Variants in KHDRBS2 observed in about 807,000 individuals in gnomAD.
KHDRBS2 encodes the protein KH RNA binding domain containing, signal transduction associated 2, also known as KH domain-containing, RNA-binding, signal transduction-associated protein 2.
A neutral mutation model predicts 44.3 loss-of-function variants in KHDRBS2; 26 were observed. That is an observed-to-expected ratio of 0.59 (90% CI 0.43 to 0.81). The LOEUF (loss-of-function observed/expected upper bound fraction) is 0.81. KHDRBS2 is among the 40% of genes least tolerant of loss of function. The pLI is 0.00. For synonymous variants in KHDRBS2, 194 were observed against 151.1 expected (o/e 1.28, Z -2.08); for missense variants, 476 against 433.1 (o/e 1.10, Z -0.88).
intron 3 of KHDRBS2, among the ~76,000 whole-genome samples, chr6:62,005,589 A>C (rs1779065740): frequency 6.6e-6 from 1 of 151,776 alleles, no homozygotes; most frequent in Non-Finnish European, 1.5e-5. Flanking sequence ...ACCAAAAATC[A>C]AATTCATTTA....
the KHDRBS2 span, among the ~76,000 whole-genome samples, chr6:61,667,899 C>G: frequency 6.6e-6 from 1 of 151,024 alleles, no homozygotes. Context: ...TTAAAATATT[C>G]AAATATCTTG....
intron 3 of KHDRBS2, among the ~76,000 whole-genome samples, chr6:62,043,605 G>A (rs1787030210): frequency 6.6e-6 from 1 of 151,794 alleles, no homozygotes; most frequent in Non-Finnish European, 1.5e-5. Flanking sequence ...TTTTGCTACT[G>A]GTATTACCTT....
the KHDRBS2 span, among the ~76,000 whole-genome samples, chr6:61,600,350 C>T: frequency 6.6e-6 from 1 of 152,122 alleles, no homozygotes; most frequent in African/African-American, 2.4e-5. Flanking sequence ...TGGCCAGTCC[C>T]TGCCTTAAGT....
At chr6:62,224,512 T>C (rs1424405692) in intron 1 of KHDRBS2, among the ~76,000 whole-genome samples, 1 of 152,176 alleles carries the variant, frequency 6.6e-6, no homozygotes, top group South Asian at 2.1e-4. Context: ...TTCCTAATAT[T>C]GTTGGAAACA....
At chr6:61,638,162 A>T in the KHDRBS2 span, among the ~76,000 whole-genome samples, 17 of 152,104 alleles carry the variant, frequency 1.1e-4, no homozygotes, top group Non-Finnish European at 2.5e-4. Flanking sequence ...GCTACTTTAA[A>T]GTTCATATGG....
At chr6:62,272,261 G>C (rs1368018862) in intron 1 of KHDRBS2, among the ~76,000 whole-genome samples, 2 of 152,114 alleles carry the variant, frequency 1.3e-5, no homozygotes, top group African/African-American at 4.8e-5. Context: ...TACACTTTCT[G>C]ATGTTCACAC....
the KHDRBS2 span, among the ~76,000 whole-genome samples, chr6:61,585,701 C>A: frequency 6.6e-6 from 1 of 152,048 alleles, no homozygotes; most frequent in African/African-American, 2.4e-5. Context: ...TTTTTGCCCA[C>A]TCAGCATCTA....
the KHDRBS2 span, among the ~76,000 whole-genome samples, chr6:61,579,418 TGAAA>T: frequency 1.3e-4 from 20 of 152,202 alleles, no homozygotes; most frequent in Admixed American, 1.3e-3. Context: ...AGCCTGAAGC[TGAAA>T]GACTGACCTC....
the KHDRBS2 span, among the ~76,000 whole-genome samples, chr6:61,557,481 C>T: frequency 6.6e-6 from 1 of 152,188 alleles, no homozygotes. Flanking sequence ...TAGGACACTT[C>T]TGGAAGCTTT....
intron 3 of KHDRBS2, among the ~76,000 whole-genome samples, chr6:62,001,762 G>A (rs1194012838): frequency 6.6e-6 from 1 of 152,070 alleles, no homozygotes; most frequent in Non-Finnish European, 1.5e-5. Context: ...GATACATACA[G>A]AAGTTGAACC....
At position 62,137,954 on chromosome 6, in the gene KHDRBS2, T is replaced by C. The variant is rs545221855; in HGVS notation, c.219+39231A>G. ...GATATCACATCAAAATTTCACAATG[T>C]GCTGTCTTTCCATGTTTACTGTTCT... is the stretch of plus-strand genomic sequence containing the variant. On this transcript the variant is annotated intron_variant, in intron 2 of 8. Transcript: ENST00000281156. Among the ~76,000 whole-genome samples, 368 of 152,340 alleles carry C rather than the reference T, an allele frequency of 2.4e-3. 2 individuals are homozygous for C. The highest frequency in any genetic ancestry group is 3.3e-3 in the Non-Finnish European group (223 of 68,018).
intron 6 of KHDRBS2, among the ~76,000 whole-genome samples, chr6:61,889,930 CA>C (rs1173466936): frequency 2.0e-5 from 3 of 152,192 alleles, no homozygotes; most frequent in Non-Finnish European, 4.4e-5. Flanking sequence ...CAGAAGCAGC[CA>C]ATTGGCCAAG....
At chr6:61,889,050 C>A (rs1487664100) in intron 6 of KHDRBS2, among the ~76,000 whole-genome samples, 2 of 152,032 alleles carry the variant, frequency 1.3e-5, no homozygotes, top group Non-Finnish European at 2.9e-5. Context: ...TTATTAATAT[C>A]TATGACTTCA....
At chr6:61,645,477 T>C in the KHDRBS2 span, among the ~76,000 whole-genome samples, 8 of 147,854 alleles carry the variant, frequency 5.4e-5, no homozygotes, top group Non-Finnish European at 1.2e-4. Flanking sequence ...AAAAAAAATT[T>C]AAAAACAAAA....
intron 2 of KHDRBS2, among the ~76,000 whole-genome samples, chr6:62,076,044 G>T (rs775520294): frequency 2.0e-5 from 3 of 151,668 alleles, no homozygotes; most frequent in Non-Finnish European, 4.4e-5. Flanking sequence ...AGGGGAGTGG[G>T]TCTCATCCAC....
chr6:61,556,712 G>A, the KHDRBS2 span, among the ~76,000 whole-genome samples: 456 of 151,982 alleles, frequency 3.0e-3, 4 homozygotes, highest in African/African-American at 0.011. Context: ...TTTTCTTCAA[G>A]ATGTTCTGGG....
chr6:62,127,789 A>T (rs1437335355), intron 2 of KHDRBS2, among the ~76,000 whole-genome samples: 4 of 152,152 alleles, frequency 2.6e-5, no homozygotes, highest in African/African-American at 7.2e-5. Context: ...GTTTCCACAT[A>T]ACACTTCAAG....
At chr6:61,576,936 G>A in the KHDRBS2 span, among the ~76,000 whole-genome samples, 2 of 152,072 alleles carry the variant, frequency 1.3e-5, no homozygotes, top group Non-Finnish European at 2.9e-5. Flanking sequence ...CAGGATCACT[G>A]TACATTGTTG....
the KHDRBS2 span, among the ~76,000 whole-genome samples, chr6:61,585,644 G>A: frequency 1.3e-5 from 2 of 152,030 alleles, no homozygotes; most frequent in African/African-American, 2.4e-5. Context: ...ATGTGCTTGA[G>A]TCATCAAAGA....
Sources: gnomAD v4.1 joint callset for allele counts (sites outside exome capture counted in the v4.1 genomes callset) on GRCh38, gnomAD v4.1.1 for gene constraint, MANE v1.5 for transcripts, NCBI Gene and HGNC (gene_info 2026-07-23, HGNC 2026-07-21) for gene names.